YY1AP1: variants seen among roughly 807,000 people sequenced by gnomAD.
YY1AP1 encodes the protein YY1-associated protein 1.
YY1AP1 carries 43 observed loss-of-function variants against 39.9 expected under a neutral mutation model. The observed-to-expected ratio is 1.08, with a 90% CI of 0.84 to 1.39. YY1AP1 has a LOEUF of 1.39. Among genes scored for constraint, YY1AP1 ranks in the 40% most tolerant of loss-of-function variants. The pLI is 0.00. For missense variants in YY1AP1, 813 were observed against 900.7 expected (o/e 0.90, Z 1.25); for synonymous variants, 292 against 331.3 (o/e 0.88, Z 1.29).
At chr1:155,685,987 T>TA (rs1652168327) in intron 2 of YY1AP1, among the ~76,000 whole-genome samples, 1 of 150,652 alleles carries the variant, frequency 6.6e-6, no homozygotes, top group Admixed American at 6.6e-5. Flanking sequence ...CTCATATTCA[T>TA]AGAGTTCATA....
intron 8 of YY1AP1, 120 bp downstream of exon 8, chr1:155,670,200 A>T: frequency 7.3e-7 from 1 of 1,377,086 alleles, no homozygotes; most frequent in Non-Finnish European, 1.0e-6. Flanking sequence ...GACTCTGCTC[A>T]TCTATACTGC....
At chr1:155,666,523 T>C (rs1649035101) in intron 9 of YY1AP1, among the ~76,000 whole-genome samples, 1 of 152,152 alleles carries the variant, frequency 6.6e-6, no homozygotes, top group Non-Finnish European at 1.5e-5. Flanking sequence ...TGTGCATGTT[T>C]GTGGTGGGAG....
chr1:155,665,388 A>G (rs540886548), intron 9 of YY1AP1, among the ~76,000 whole-genome samples: 1 of 151,930 alleles, frequency 6.6e-6, no homozygotes, highest in African/African-American at 2.4e-5. Flanking sequence ...TCAAGAGGTC[A>G]GGAGATCAAA....
At chr1:155,661,780 G>A (rs913214451) in intron 9 of YY1AP1, among the ~76,000 whole-genome samples, 29 of 152,008 alleles carry the variant, frequency 1.9e-4, no homozygotes, top group Non-Finnish European at 3.2e-4. Context: ...CTCAGCCTCC[G>A]GAGTAGCTGG....
chr1:155,668,129 C>T (rs1230663909), intron 9 of YY1AP1, among the ~76,000 whole-genome samples: 1 of 152,034 alleles, frequency 6.6e-6, no homozygotes, highest in African/African-American at 2.4e-5. Flanking sequence ...TGGTGAAACC[C>T]GTATCTACTA....
chr1:155,672,286 T>C, intron 7 of YY1AP1: 1 of 516,398 alleles, frequency 1.9e-6, no homozygotes, highest in Non-Finnish European at 3.5e-6. Context: ...CATATTGCTG[T>C]AGTCCAATTC....
Position 155,660,517 on chromosome 1 carries a change from C to A in YY1AP1, c.1393G>T (p.Gly465Cys). 6.2e-7 allele frequency: 1 copy of A among 1,614,156 alleles called. No homozygotes were observed. Among genetic ancestry groups the A allele is most frequent in the Non-Finnish European group, 8.5e-7 (1 of 1,180,026 alleles). Residue 465 changes from glycine (G) to cysteine (C), a missense_variant, in exon 11 of 11, where the codon GGT (glycine) becomes TGT (cysteine). Coordinates refer to ENST00000355499, the MANE Select transcript of YY1AP1 (RefSeq NM_139119.3). ...CCACTGACCCCCAGTGGAGGGACACCTGGAACTGTCTGTAAAACAGTGGCT... is the reference window on the plus strand; with the variant it reads ...CCACTGACCCCCAGTGGAGGGACACATGGAACTGTCTGTAAAACAGTGGCT... ...QPATVLQTVP[G>C]VPPLGVSGGE...
chr1:155,671,506 ATTTCATTCTTTCTTAAC>A (rs2149045285), intron 7 of YY1AP1, among the ~76,000 whole-genome samples: 1 of 151,934 alleles, frequency 6.6e-6, no homozygotes, highest in South Asian at 2.1e-4. Flanking sequence ...TTTTACTTTT[ATTTCATTCTTTCTTAAC>A]TTTCATTAAG....
intron 4 of YY1AP1, among the ~76,000 whole-genome samples, chr1:155,678,435 C>T (rs2149061328): frequency 6.6e-6 from 1 of 152,264 alleles, no homozygotes; most frequent in South Asian, 2.1e-4. Context: ...AAGAGTTGAT[C>T]AGCAAAACCA....
intron 6 of YY1AP1, 86 bp from the exon 7 acceptor site, chr1:155,672,817 C>T: frequency 8.2e-6 from 13 of 1,577,870 alleles, no homozygotes; most frequent in Non-Finnish European, 1.1e-5. Context: ...AGAAGCTGAC[C>T]TTCCTACTAC....
intron 2 of YY1AP1, among the ~76,000 whole-genome samples, chr1:155,681,801 G>C (rs1012527041): frequency 8.6e-5 from 13 of 151,822 alleles, no homozygotes; most frequent in Non-Finnish European, 1.8e-4. Flanking sequence ...AAATCAACTG[G>C]ATGTAACACG....
chr1:155,679,159 C>A (rs370921578), intron 4 of YY1AP1: 1 of 1,437,654 alleles, frequency 7.0e-7, no homozygotes, highest in African/African-American at 1.4e-5. Flanking sequence ...ACCACTCACC[C>A]GGAGAAGTGG....
chr1:155,672,369 C>A lies in YY1AP1; in HGVS notation c.583+191G>T, dbSNP rs58729810. 11 of 889,598 alleles carry A rather than the reference C, an allele frequency of 1.2e-5. No individual in the cohort carries two copies. The African/African-American group carries it at 1.8e-4, about 15-fold the overall frequency. The allele number at this position is 889,598 out of a possible 1,614,324, so 55.1% of individuals were successfully genotyped here. On this transcript the variant is annotated intron_variant, in intron 7 of 10. Transcript: ENST00000355499. ...ACTGCCTCCATGCCTTACCCAGGCC[C>A]GGAGATTATCATGTAATTCTAGAAC...
chr1:155,679,242 T>C, intron 4 of YY1AP1, 167 bp downstream of exon 4: 1 of 1,533,232 alleles, frequency 6.5e-7, no homozygotes, highest in Non-Finnish European at 8.8e-7. Flanking sequence ...CACTGCCCCA[T>C]AACAAGGAGA....
chr1:155,688,742 C>G lies in YY1AP1; in HGVS notation c.-235G>C, dbSNP rs1653150419. ...CCGCCCGCACGGCCACCAACCGCCG[C>G]CAAAGCAGCCGCCGCCAGCACCCCC... is the stretch of plus-strand genomic sequence containing the variant. On this transcript the variant is annotated 5_prime_UTR_variant, in exon 1 of 11. Coordinates refer to ENST00000355499, the MANE Select transcript of YY1AP1 (RefSeq NM_139119.3). The G allele has an allele frequency of 2.6e-6, 4 of 1,517,950 alleles. No homozygotes were observed. Among genetic ancestry groups the G allele is most frequent in the East Asian group, 2.4e-5 (1 of 40,870 alleles). The allele number at this position is 1,517,950 out of a possible 1,614,324, so 94.0% of individuals were successfully genotyped here. A position where few individuals can be genotyped will look rare whatever the true frequency, so the allele number is the denominator to read the frequency against.
chr1:155,663,383 AAAATT>A (rs927302982), intron 9 of YY1AP1, among the ~76,000 whole-genome samples: 3 of 148,788 alleles, frequency 2.0e-5, no homozygotes, highest in African/African-American at 7.5e-5. Flanking sequence ...AAAAAAAAAA[AAAATT>A]ATTTCTGCAG....
At position 155,665,236 on chromosome 1, in the gene YY1AP1, A is replaced by T. The variant is rs192593324; in HGVS notation, c.879+3391T>A. On this transcript the variant is annotated intron_variant, in intron 9 of 10. Transcript: ENST00000355499. ...AGTCTGAGACCAGCCTGGGCAAAAA[A>T]CTGAGACCCCCCCACCTCAATTTTT... 3.2e-3 allele frequency among the ~76,000 whole-genome samples: 493 copies of T among 151,956 alleles called. 2 individuals carry two copies. The highest frequency in any genetic ancestry group is 0.011 in the African/African-American group (467 of 41,458).
At chr1:155,679,864 A>G in intron 3 of YY1AP1, 13 of 997,530 alleles carry the variant, frequency 1.3e-5, no homozygotes, top group Middle Eastern at 4.5e-4. Flanking sequence ...CTTTAAGGAC[A>G]CACCAAATGA....
At position 155,672,750 on chromosome 1, in the gene YY1AP1, A is replaced by C. The variant is rs988183482; in HGVS notation, c.412-19T>G. 6.2e-7 allele frequency: 1 copy of C among 1,614,212 alleles called. No homozygotes were observed. Among genetic ancestry groups the C allele is most frequent in the South Asian group, 1.1e-5 (1 of 91,090 alleles). ...GCTCTTTCTGGGAAAACACGACACA[A>C]GGAAGATCTAAGACAATTCCAGACA... On this transcript the variant is annotated intron_variant, in intron 6 of 10. Coordinates refer to ENST00000355499, the MANE Select transcript of YY1AP1 (RefSeq NM_139119.3).
Sources: gnomAD v4.1 joint callset for allele counts (sites outside exome capture counted in the v4.1 genomes callset) on GRCh38, gnomAD v4.1.1 for gene constraint, MANE v1.5 for transcripts, NCBI Gene and HGNC (gene_info 2026-07-23, HGNC 2026-07-21) for gene names.